The following GUCA1C variants were observed in gnomAD, a reference collection of about 807,000 sequenced individuals.
The protein encoded by GUCA1C is guanylyl cyclase-activating protein 3.
GUCA1C carries 15 observed loss-of-function variants against 16.2 expected under a neutral mutation model. The observed-to-expected ratio is 0.93, with a 90% CI of 0.62 to 1.43. The LOEUF (loss-of-function observed/expected upper bound fraction) is 1.43. Among genes scored for constraint, GUCA1C ranks in the 40% most tolerant of loss-of-function variants. GUCA1C has a pLI of 0.00. For synonymous variants in GUCA1C, 78 were observed against 85.4 expected, an observed-to-expected ratio of 0.91 and a Z score of 0.48; for missense variants, 275 against 244.8, an observed-to-expected ratio of 1.12 and a Z score of -0.82.
chr3:108,909,440 C>T (rs551870462), intron 3 of GUCA1C, among the ~76,000 whole-genome samples: 2 of 152,234 alleles, frequency 1.3e-5, no homozygotes, highest in African/African-American at 4.8e-5. Context: ...TCAGTGGCAA[C>T]GGGGTAGGGA....
intron 1 of GUCA1C, among the ~76,000 whole-genome samples, chr3:108,946,028 C>T (rs1472242496): frequency 6.6e-6 from 1 of 152,190 alleles, no homozygotes; most frequent in African/African-American, 2.4e-5. Flanking sequence ...GAGTTACCTG[C>T]CCTTGAACCC....
chr3:108,953,513 C>T (rs1448775741), intron 1 of GUCA1C, 46 bp downstream of exon 1: 2 of 1,272,624 alleles, frequency 1.6e-6, no homozygotes, highest in Middle Eastern at 2.5e-4. Flanking sequence ...GGGAAGAGTG[C>T]AGAACCACAG....
At chr3:108,941,272 T>A (rs913295451) in intron 1 of GUCA1C, among the ~76,000 whole-genome samples, 2 of 152,186 alleles carry the variant, frequency 1.3e-5, no homozygotes, top group African/African-American at 4.8e-5. Context: ...AGTCCTGATG[T>A]CCAGGCTTTG....
At chr3:108,944,716 G>C (rs1466922371) in intron 1 of GUCA1C, among the ~76,000 whole-genome samples, 3 of 152,122 alleles carry the variant, frequency 2.0e-5, no homozygotes, top group African/African-American at 7.2e-5. Flanking sequence ...AAGGTTAATA[G>C]GGGTTCAGCA....
intron 3 of GUCA1C, among the ~76,000 whole-genome samples, chr3:108,913,096 A>T (rs1946472666): frequency 1.3e-5 from 2 of 152,050 alleles, no homozygotes; most frequent in South Asian, 4.2e-4. Context: ...TTAACAATCA[A>T]ATTGGGATTT....
At chr3:108,933,922 A>T (rs1186078823) in intron 1 of GUCA1C, among the ~76,000 whole-genome samples, 3 of 152,224 alleles carry the variant, frequency 2.0e-5, no homozygotes, top group African/African-American at 7.2e-5. Flanking sequence ...AAAGACTTGG[A>T]ACCAACCCAA....
chr3:108,947,586 T>C (rs1037941208), intron 1 of GUCA1C, among the ~76,000 whole-genome samples: 2 of 152,270 alleles, frequency 1.3e-5, no homozygotes, highest in African/African-American at 4.8e-5. Flanking sequence ...AATGGCATAG[T>C]ACTTATGGTT....
At chr3:108,911,729 G>A (rs1559838870) in intron 3 of GUCA1C, among the ~76,000 whole-genome samples, 1 of 152,096 alleles carries the variant, frequency 6.6e-6, no homozygotes, top group Non-Finnish European at 1.5e-5. Context: ...CCAGTCTAAA[G>A]CACTGGTCTT....
At chr3:108,920,200 G>A (rs1438953799) in intron 2 of GUCA1C, among the ~76,000 whole-genome samples, 1 of 152,044 alleles carries the variant, frequency 6.6e-6, no homozygotes, top group Admixed American at 6.6e-5. Context: ...TTTCTTCATC[G>A]CAATGCTCTG....
chr3:108,923,852 G>A (rs2593967), intron 1 of GUCA1C, among the ~76,000 whole-genome samples: 38,317 of 151,978 alleles, frequency 0.25, 5,362 homozygotes, highest in Middle Eastern at 0.36. Context: ...AGTTTTCCTC[G>A]TAGAGGTGTT....
chr3:108,936,976 A>G (rs911824200), intron 1 of GUCA1C, among the ~76,000 whole-genome samples: 9 of 151,926 alleles, frequency 5.9e-5, no homozygotes, highest in Admixed American at 2.6e-4. Flanking sequence ...TCTTGTGTCC[A>G]TTTTGGAATC....
intron 2 of GUCA1C, among the ~76,000 whole-genome samples, chr3:108,920,158 A>G (rs770129580): frequency 2.0e-5 from 3 of 152,194 alleles, no homozygotes; most frequent in African/African-American, 7.2e-5. Flanking sequence ...ACAGAAAAAG[A>G]TAAGTTGCTT....
rs184225886 is a variant in GUCA1C, at chr3:108,922,361, T to C, written c.205-1776A>G. ...TTTTCTCTGGGTAGATACCTAGTAGTGGGATTGCTGGATCAAACAGTAGGT... is the reference window on the plus strand; with the variant it reads ...TTTTCTCTGGGTAGATACCTAGTAGCGGGATTGCTGGATCAAACAGTAGGT... On this transcript the variant is annotated intron_variant, in intron 1 of 3. Coordinates refer to ENST00000261047, the MANE Select transcript of GUCA1C (RefSeq NM_005459.4). 1.8e-3 allele frequency among the ~76,000 whole-genome samples: 272 copies of C among 152,334 alleles called. 1 individual carries two copies. Among genetic ancestry groups the C allele is most frequent in the Non-Finnish European group, 1.8e-3 (123 of 68,034 alleles).
chr3:108,919,507 T>G (rs1200714370), intron 2 of GUCA1C, among the ~76,000 whole-genome samples: 1 of 152,308 alleles, frequency 6.6e-6, no homozygotes, highest in East Asian at 1.9e-4. Flanking sequence ...GTGTGAATGA[T>G]CTATGTGAAA....
intron 1 of GUCA1C, among the ~76,000 whole-genome samples, chr3:108,926,881 A>G (rs764235317): frequency 1.1e-4 from 16 of 151,582 alleles, no homozygotes; most frequent in Non-Finnish European, 1.8e-4. Flanking sequence ...GATTTGTTTC[A>G]AGATTTAGAG....
At chr3:108,947,419 G>A (rs1202253514) in intron 1 of GUCA1C, among the ~76,000 whole-genome samples, 1 of 152,066 alleles carries the variant, frequency 6.6e-6, no homozygotes, top group African/African-American at 2.4e-5. Flanking sequence ...ATCTGTAAGT[G>A]GACCCTCACA....
chr3:108,934,818 T>TC (rs1553735505), intron 1 of GUCA1C, among the ~76,000 whole-genome samples: 2 of 136,862 alleles, frequency 1.5e-5, no homozygotes, highest in African/African-American at 5.5e-5. Flanking sequence ...CTTTTTTTTT[T>TC]TTTTTTTTTT....
intron 1 of GUCA1C, among the ~76,000 whole-genome samples, chr3:108,935,761 T>A (rs1307960622): frequency 2.0e-5 from 3 of 152,100 alleles, no homozygotes; most frequent in Non-Finnish European, 4.4e-5. Context: ...ATGGTTAATT[T>A]TTTTCCTTTC....
At chr3:108,932,915 A>G (rs1373749098) in intron 1 of GUCA1C, among the ~76,000 whole-genome samples, 3 of 147,726 alleles carry the variant, frequency 2.0e-5, no homozygotes, top group African/African-American at 7.6e-5. Flanking sequence ...AGAAAAAAAA[A>G]AAAAATCTCA....
Sources: allele counts gnomAD v4.1 joint callset (sites outside exome capture counted in the v4.1 genomes callset), GRCh38; gene constraint gnomAD v4.1.1; transcripts MANE v1.5; gene names NCBI Gene and HGNC (gene_info 2026-07-23, HGNC 2026-07-21).